The following PKHD1 variants were observed in gnomAD, a reference collection of about 807,000 sequenced individuals.
PKHD1 encodes fibrocystin.
A neutral mutation model predicts 412.0 loss-of-function variants in PKHD1; 291 were observed. The ratio of observed to expected loss-of-function variants is 0.71; its 90% CI spans 0.64 to 0.78. PKHD1 has a LOEUF of 0.78. PKHD1 is among the 30% of genes least tolerant of loss of function. PKHD1 has a pLI of 0.00. For synonymous variants in PKHD1, 1,777 were observed against 1,821.5 expected, an observed-to-expected ratio of 0.98 and a Z score of 0.62; for missense variants, 4,825 against 4,950.7, an observed-to-expected ratio of 0.97 and a Z score of 0.76.
intron 34 of PKHD1, among the ~76,000 whole-genome samples, chr6:52,016,651 A>G (rs1006044205): frequency 2.7e-5 from 4 of 149,776 alleles, no homozygotes; most frequent in African/African-American, 4.9e-5. Context: ...AAAAAAAAAA[A>G]AAAGAAAAGA....
intron 36 of PKHD1, among the ~76,000 whole-genome samples, chr6:51,941,936 T>C (rs1376867142): frequency 6.6e-6 from 1 of 151,502 alleles, no homozygotes; most frequent in East Asian, 1.9e-4. Flanking sequence ...ATCTGTTACC[T>C]ATCATGGCGT....
intron 60 of PKHD1, among the ~76,000 whole-genome samples, chr6:51,690,253 C>A (rs1777979646): frequency 1.6e-5 from 2 of 128,086 alleles, no homozygotes; most frequent in African/African-American, 3.0e-5. Flanking sequence ...GCCTGGGTGA[C>A]AGAGTGAGAC....
chr6:51,960,129 G>T, intron 35 of PKHD1, 103 bp from the exon 36 acceptor site: 3 of 1,064,770 alleles, frequency 2.8e-6, no homozygotes, highest in African/African-American at 3.1e-5. Context: ...TTCATTCATT[G>T]TTTTTGGGCG....
At chr6:52,028,019 T>C in intron 30 of PKHD1, 123 bp from the exon 31 acceptor site, 6 of 1,183,960 alleles carry the variant, frequency 5.1e-6, no homozygotes, top group Middle Eastern at 2.0e-4. Context: ...CTAAGATTTG[T>C]TCCAATGTTA....
intron 50 of PKHD1, among the ~76,000 whole-genome samples, chr6:51,844,527 TG>T (rs1321345598): frequency 6.6e-6 from 1 of 152,160 alleles, no homozygotes; most frequent in Non-Finnish European, 1.5e-5. Flanking sequence ...AATTATTTAG[TG>T]GGCAGCACAC....
intron 53 of PKHD1, among the ~76,000 whole-genome samples, chr6:51,785,063 T>A (rs1792650674): frequency 6.6e-6 from 1 of 152,216 alleles, no homozygotes; most frequent in Non-Finnish European, 1.5e-5. Context: ...CAAGCAGGAA[T>A]TGTTCACTAC....
chr6:51,646,600 TA>T (rs780180045), intron 63 of PKHD1, among the ~76,000 whole-genome samples: 1 of 152,182 alleles, frequency 6.6e-6, no homozygotes, highest in Non-Finnish European at 1.5e-5. Flanking sequence ...AGGTTGTACT[TA>T]CCTTTTCATG....
In PKHD1 at chr6:52,053,210, C is replaced by A; in HGVS notation, c.2006G>T (p.Arg669Leu). The change falls in exon 21 of 67, where the codon CGT becomes CTT. Residue 669 changes from arginine (R) to leucine (L), a missense_variant. Physicochemically the swap from Arg to Leu is moderately radical, Grantham distance 102. Coordinates refer to ENST00000371117, the MANE Select transcript of PKHD1 (RefSeq NM_138694.4). The stretch of plus-strand genomic sequence containing the variant: ...AGGGGGCTGGAGATCCCCGAAGCAA[C>A]GCACACAAGTCTCCCAGAGGTCAGT... ...DCTDLWETCV[R>L]CFGDLQPPPA... The A allele has an allele frequency of 6.2e-7, 1 of 1,614,176 alleles. No individual in the cohort carries two copies. Among genetic ancestry groups the A allele is most frequent in the Non-Finnish European group, 8.5e-7 (1 of 1,180,014 alleles).
chr6:51,789,838 T>C, intron 53 of PKHD1, among the ~76,000 whole-genome samples: 1 of 152,120 alleles, frequency 6.6e-6, no homozygotes, highest in Non-Finnish European at 1.5e-5. Flanking sequence ...GCTATAGAAT[T>C]AAAAGGAGTA....
intron 22 of PKHD1, among the ~76,000 whole-genome samples, chr6:52,049,637 G>C (rs1349841406): frequency 6.6e-6 from 1 of 152,188 alleles, no homozygotes; most frequent in Admixed American, 6.5e-5. Flanking sequence ...TGTAAACTGT[G>C]GCTAGAAATG....
intron 52 of PKHD1, among the ~76,000 whole-genome samples, chr6:51,794,047 CTTTTTT>C (rs58801569): frequency 4.0e-5 from 5 of 124,134 alleles, no homozygotes; most frequent in Non-Finnish European, 5.1e-5. Context: ...TGCTTTTTGA[CTTTTTT>C]TTTTTTTTTT....
intron 53 of PKHD1, among the ~76,000 whole-genome samples, chr6:51,777,991 A>G (rs1288537652): frequency 6.6e-6 from 1 of 152,182 alleles, no homozygotes; most frequent in African/African-American, 2.4e-5. Flanking sequence ...GGGACTAAGT[A>G]CAAAGAAGGC....
Position 51,989,993 on chromosome 6 carries a change from C to T in PKHD1, c.5751+20316G>A, listed in dbSNP as rs1196448523. On this transcript the variant is annotated intron_variant, in intron 35 of 66. Transcript: ENST00000371117. The stretch of plus-strand genomic sequence containing the variant: ...GAAGGAAGGAAGGAAGGGAGAGATA[C>T]AGCAATTTCACTATTCCACCCATGC... Among the ~76,000 whole-genome samples the T allele has an allele frequency of 4.5e-5, 4 of 89,798 alleles. 1 individual carries two copies. The Admixed American group carries it at 5.0e-4, about 11-fold the overall frequency. The allele number at this position is 89,798 out of a possible 152,430, so 58.9% of individuals were successfully genotyped here. A position where few individuals can be genotyped will look rare whatever the true frequency, so the allele number is the denominator to read the frequency against.
At chr6:51,772,859 T>A in intron 54 of PKHD1, 70 bp from the exon 55 acceptor site, 1 of 857,680 alleles carries the variant, frequency 1.2e-6, no homozygotes, top group South Asian at 1.3e-5. Flanking sequence ...TAAGTAAAAG[T>A]CATTCCAGAG....
intron 24 of PKHD1, 30 bp from the exon 25 acceptor site, chr6:52,045,118 G>C (rs772776293): frequency 6.2e-7 from 1 of 1,610,800 alleles, no homozygotes; most frequent in South Asian, 1.1e-5. Flanking sequence ...GGTAAATTCT[G>C]TCATGGAACC....
At chr6:52,071,125 T>A in intron 8 of PKHD1, 55 bp from the exon 9 acceptor site, 1 of 1,179,074 alleles carries the variant, frequency 8.5e-7, no homozygotes, top group Non-Finnish European at 1.3e-6. Flanking sequence ...TACCAGAAGA[T>A]CTGACTCTTT....
chr6:51,753,099 C>A, intron 57 of PKHD1, 102 bp downstream of exon 57: 2 of 1,031,614 alleles, frequency 1.9e-6, no homozygotes, highest in Non-Finnish European at 3.0e-6. Flanking sequence ...CTCATTTGAA[C>A]ATTTTGTTTT....
At position 51,619,153 on chromosome 6, in the gene PKHD1, T is replaced by G. The variant is rs747016526; in HGVS notation, c.12153A>C (p.Lys4051Asn). The G allele has an allele frequency of 1.2e-6, 2 of 1,614,256 alleles. No homozygotes were observed. Among genetic ancestry groups the G allele is most frequent in the Non-Finnish European group, 1.7e-6 (2 of 1,180,032 alleles). ...ATGCCTCAGTGGCCCCGCAGGAGGC[T>G]TTCTTCTCTTGGGAAAGCCCCAAGC... ...SGSLGLSQEK[K>N]ASCGATEAFC... Residue 4051 changes from lysine to asparagine, a missense_variant, in exon 67 of 67, where the codon AAA (lysine) becomes AAC (asparagine). Lys to Asn is a moderately conservative substitution (Grantham distance 94). Coordinates refer to ENST00000371117, the MANE Select transcript of PKHD1 (RefSeq NM_138694.4).
At chr6:51,982,193 T>C (rs1237275735) in intron 35 of PKHD1, among the ~76,000 whole-genome samples, 50 of 28,348 alleles carry the variant, frequency 1.8e-3, no homozygotes, top group Admixed American at 2.4e-3. Context: ...GGTGGGGGGG[T>C]CAGCCCCCCG....
Sources: allele counts gnomAD v4.1 joint callset (sites outside exome capture counted in the v4.1 genomes callset), GRCh38; gene constraint gnomAD v4.1.1; transcripts MANE v1.5; gene names NCBI Gene and HGNC (gene_info 2026-07-23, HGNC 2026-07-21).